IL3RA: variants seen among roughly 807,000 people sequenced by gnomAD.
IL3RA encodes interleukin-3 receptor subunit alpha.
Under a neutral mutation model 52.3 loss-of-function variants are expected in IL3RA, and 73 were observed. The ratio of observed to expected loss-of-function variants is 1.40; its 90% CI spans 1.16 to 1.70. The LOEUF (loss-of-function observed/expected upper bound fraction) is 1.70. IL3RA is among the 40% of genes most tolerant of loss of function. The pLI, the probability that IL3RA is intolerant of heterozygous loss-of-function variation, is 0.00. For synonymous variants in IL3RA, 260 were observed against 194.0 expected, an observed-to-expected ratio of 1.34 and a Z score of -2.83; for missense variants, 664 against 504.4, an observed-to-expected ratio of 1.32 and a Z score of -3.03.
At chrX:1,339,603 C>T (rs772540462) in intron 1 of IL3RA, among the ~76,000 whole-genome samples, 1 of 152,182 alleles carries the variant, frequency 6.6e-6, no homozygotes, top group East Asian at 1.9e-4. Flanking sequence ...ACCAGCCTGA[C>T]CAACATGGTG....
In IL3RA at chrX:1,363,500, C is replaced by CCA. The variant is rs1342861492; in HGVS notation, c.760-1638_760-1637insCA. Among the ~76,000 whole-genome samples, 432 of 151,210 alleles carry CCA rather than the reference C, an allele frequency of 2.9e-3. 4 individuals carry two copies. The highest frequency in any genetic ancestry group is 9.7e-3 in the African/African-American group (401 of 41,234). The stretch of plus-strand genomic sequence containing the variant: ...TATTTTTAGTAGAGACGGGGTTTCA[C>CCA]TGTGGTCTCGATCTCCTGACCTTGT... On this transcript the variant is annotated intron_variant, in intron 8 of 11. Transcript: ENST00000331035.
Position 1,379,693 on chromosome X carries a change from G to C in IL3RA, c.980+929G>C, listed in dbSNP as rs149717065. 3.3e-3 allele frequency among the ~76,000 whole-genome samples: 510 copies of C among 152,378 alleles called. 1 individual carries two copies. The highest frequency in any genetic ancestry group is 0.024 in the Middle Eastern group (7 of 294). ...GGCGAACGTCACAGCTGTCCACTTG[G>C]ATGGGCCAGGATCCGTCATGCAGAC... On this transcript the variant is annotated intron_variant, in intron 10 of 11. Coordinates refer to ENST00000331035, the MANE Select transcript of IL3RA (RefSeq NM_002183.4).
intron 3 of IL3RA, among the ~76,000 whole-genome samples, chrX:1,347,254 G>T (rs17882730): frequency 0.055 from 8,213 of 149,426 alleles, 337 homozygotes; most frequent in Middle Eastern, 0.082. Flanking sequence ...GACCCTCCTG[G>T]CTAACACGGT....
chrX:1,344,909 T>C (rs1298280386), intron 2 of IL3RA, among the ~76,000 whole-genome samples: 1 of 148,962 alleles, frequency 6.7e-6, no homozygotes, highest in African/African-American at 2.5e-5. Context: ...ATGCCTGTAA[T>C]CCCAGCACTT....
intron 9 of IL3RA, 26 bp downstream of exon 9, chrX:1,365,278 G>A (rs1165363345): frequency 7.0e-7 from 1 of 1,421,330 alleles, no homozygotes; most frequent in Admixed American, 1.7e-5. Flanking sequence ...GGGGTGCGCG[G>A]GGTGAGCGGG....
At chrX:1,340,027 C>T (rs1311549749) in intron 1 of IL3RA, among the ~76,000 whole-genome samples, 3 of 151,928 alleles carry the variant, frequency 2.0e-5, no homozygotes, top group Non-Finnish European at 4.4e-5. Context: ...CCTGGTGTGC[C>T]GCAGAGGATG....
intron 4 of IL3RA, among the ~76,000 whole-genome samples, chrX:1,349,501 G>A (rs1432161930): frequency 1.3e-5 from 2 of 151,498 alleles, no homozygotes; most frequent in Admixed American, 1.3e-4. Context: ...TTGTAGAGAT[G>A]GGGTGTCGCT....
At chrX:1,344,958 C>G (rs1390240940) in intron 2 of IL3RA, among the ~76,000 whole-genome samples, 6 of 147,856 alleles carry the variant, frequency 4.1e-5, no homozygotes, top group East Asian at 2.0e-4. Context: ...GTCAGGAGAT[C>G]GAGACCATCC....
intron 9 of IL3RA, among the ~76,000 whole-genome samples, chrX:1,368,215 C>G (rs1182594187): frequency 6.6e-6 from 1 of 151,568 alleles, no homozygotes; most frequent in Admixed American, 6.6e-5. Context: ...GCCGAGATCG[C>G]GCCACTGTGC....
intron 9 of IL3RA, among the ~76,000 whole-genome samples, chrX:1,378,353 T>G (rs758960180): frequency 6.6e-6 from 1 of 152,284 alleles, no homozygotes; most frequent in African/African-American, 2.4e-5. Flanking sequence ...TGGAAGTCCC[T>G]GGCGCTCCCC....
intron 11 of IL3RA, among the ~76,000 whole-genome samples, chrX:1,381,946 T>G (rs773856731): frequency 9.2e-6 from 1 of 109,184 alleles, no homozygotes; most frequent in Non-Finnish European, 2.2e-5. Context: ...TTGTTTTGTT[T>G]TGTTTGTTTT....
Position 1,365,193 on chromosome X carries a change from T to TAA in IL3RA, c.816_817dup (p.Arg273LysfsTer11), listed in dbSNP as rs1569526046. On this transcript the variant is annotated frameshift_variant, in exon 9 of 12. Transcript: ENST00000331035. LOFTEE classifies it high-confidence loss of function. ...AATCCTGGAACGTACACAGTACAAA[T>TAA]AAGAGCCCGGGAAAGAGTGTATGAA... 6.2e-7 allele frequency: 1 copy of TAA among 1,611,274 alleles called. No individual in the cohort carries two copies. The highest frequency in any genetic ancestry group is 8.5e-7 in the Non-Finnish European group (1 of 1,178,980).
intron 2 of IL3RA, among the ~76,000 whole-genome samples, chrX:1,345,023 GC>G (rs1419210313): frequency 2.5e-5 from 3 of 122,034 alleles, no homozygotes; most frequent in Non-Finnish European, 5.7e-5. Flanking sequence ...AAAAAAATTA[GC>G]CGGGCGTGGT....
intron 1 of IL3RA, among the ~76,000 whole-genome samples, chrX:1,338,248 T>C (rs1221002072): frequency 6.8e-6 from 1 of 147,702 alleles, no homozygotes; most frequent in East Asian, 2.0e-4. Flanking sequence ...TACCCATCTA[T>C]AGATGAATGG....
At chrX:1,349,159 C>G (rs1458866713) in intron 4 of IL3RA, among the ~76,000 whole-genome samples, 1 of 148,520 alleles carries the variant, frequency 6.7e-6, no homozygotes, top group South Asian at 2.1e-4. Context: ...ACCCATGTAC[C>G]ACCATGCCCA....
intron 6 of IL3RA, among the ~76,000 whole-genome samples, chrX:1,353,824 C>T (rs1229885210): frequency 7.6e-6 from 1 of 131,000 alleles, no homozygotes; most frequent in Non-Finnish European, 1.6e-5. Flanking sequence ...ATCACGGGTT[C>T]CATCATGGGT....
At chrX:1,343,609 G>C (rs1404667150) in intron 2 of IL3RA, among the ~76,000 whole-genome samples, 1 of 144,924 alleles carries the variant, frequency 6.9e-6, no homozygotes, top group Non-Finnish European at 1.5e-5. Flanking sequence ...GGAGGTTGCC[G>C]TGAGCCAAGA....
chrX:1,380,930 G>A lies in IL3RA; in HGVS notation c.981-93G>A. 2.7e-6 allele frequency: 3 copies of A among 1,104,286 alleles called. No individual in the cohort carries two copies. The East Asian group carries it at 7.1e-5, about 26-fold the overall frequency. The allele number at this position is 1,104,286 out of a possible 1,614,324, so 68.4% of individuals were successfully genotyped here. A position where few individuals can be genotyped will look rare whatever the true frequency, so the allele number is the denominator to read the frequency against. ...GTAGATGACTTGAGTCTTTTGCTCT[G>A]TCCTGGCACTGTCTGTCCTGGACAC... On this transcript the variant is annotated intron_variant, in intron 10 of 11. Transcript: ENST00000331035.
chrX:1,362,202 TTC>T (rs1302666952), intron 8 of IL3RA, among the ~76,000 whole-genome samples: 2 of 151,590 alleles, frequency 1.3e-5, no homozygotes, highest in African/African-American at 4.9e-5. Context: ...GTCTCTCCGT[TTC>T]TGTCTCTCTC....
Sources: gnomAD v4.1 joint callset for allele counts (sites outside exome capture counted in the v4.1 genomes callset) on GRCh38, gnomAD v4.1.1 for gene constraint, MANE v1.5 for transcripts, NCBI Gene and HGNC (gene_info 2026-07-23, HGNC 2026-07-21) for gene names.